BBS9: variants seen among roughly 807,000 people sequenced by gnomAD.
The protein encoded by BBS9 is protein PTHB1.
Under a neutral mutation model 117.7 loss-of-function variants are expected in BBS9, and 89 were observed. The observed-to-expected ratio is 0.76, with a 90% CI of 0.64 to 0.90. The LOEUF is 0.90. Ranked by LOEUF, BBS9 falls within the 40% of genes least tolerant of loss-of-function variation. The pLI is 0.00. For synonymous variants in BBS9, 379 were observed against 370.9 expected (o/e 1.02, Z -0.25); for missense variants, 982 against 1,042.2 (o/e 0.94, Z 0.80).
chr7:33,187,510 TCATCTCTCTTTGTC>T (rs1303132621), intron 5 of BBS9, among the ~76,000 whole-genome samples: 3 of 152,240 alleles, frequency 2.0e-5, no homozygotes, highest in Non-Finnish European at 4.4e-5. Context: ...CTCCCTTACA[TCATCTCTCTTTGTC>T]CCTCCGTCTG....
chr7:33,317,637 G>T (rs1461059609), intron 9 of BBS9, among the ~76,000 whole-genome samples: 1 of 152,040 alleles, frequency 6.6e-6, no homozygotes, highest in Non-Finnish European at 1.5e-5. Flanking sequence ...ATCTTGCCTG[G>T]GCTACCATCT....
At chr7:33,614,529 A>G (rs992377291) in intron 21 of BBS9, among the ~76,000 whole-genome samples, 2 of 152,080 alleles carry the variant, frequency 1.3e-5, no homozygotes, top group Non-Finnish European at 2.9e-5. Context: ...GTGAGGTCAG[A>G]GGGCAAACCA....
chr7:33,575,621 C>G (rs932360335), intron 21 of BBS9, among the ~76,000 whole-genome samples: 1 of 152,098 alleles, frequency 6.6e-6, no homozygotes, highest in South Asian at 2.1e-4. Context: ...AATTTTAGAC[C>G]AATATCCCTG....
chr7:33,296,613 C>T (rs903488926), intron 9 of BBS9, among the ~76,000 whole-genome samples: 7 of 152,154 alleles, frequency 4.6e-5, no homozygotes, highest in Admixed American at 6.6e-5. Context: ...AAAACACTTG[C>T]AGGGTTCATT....
At chr7:33,170,029 A>T (rs1796297849) in intron 4 of BBS9, among the ~76,000 whole-genome samples, 1 of 152,150 alleles carries the variant, frequency 6.6e-6, no homozygotes, top group African/African-American at 2.4e-5. Context: ...AGGTACAAGG[A>T]GGAACTGGTA....
intron 9 of BBS9, among the ~76,000 whole-genome samples, chr7:33,331,286 G>A (rs185143656): frequency 9.7e-4 from 147 of 152,200 alleles, no homozygotes; most frequent in African/African-American, 3.4e-3. Flanking sequence ...AATAAAAGCC[G>A]TATATGACAA....
At chr7:33,308,203 T>A (rs187122386) in intron 9 of BBS9, among the ~76,000 whole-genome samples, 17 of 152,168 alleles carry the variant, frequency 1.1e-4, no homozygotes, top group Admixed American at 1.1e-3. Context: ...GTAGGAAGCA[T>A]AGCAATAAAG....
In BBS9 at chr7:33,534,979, C is replaced by T. The variant is rs1585162913; in HGVS notation, c.2521+803C>T. Among the ~76,000 whole-genome samples the T allele has an allele frequency of 1.3e-5, 2 of 152,268 alleles. 1 individual carries two copies. Among genetic ancestry groups the T allele is most frequent in the Middle Eastern group, 6.8e-3 (2 of 294 alleles). ...TTTTCTCTTCTTCCTTCTTACATGC[C>T]TTTTCTTTACTTCCCCGCCCCCATT... is the stretch of plus-strand genomic sequence containing the variant. On this transcript the variant is annotated intron_variant, in intron 21 of 22. Coordinates refer to ENST00000242067, the MANE Select transcript of BBS9 (RefSeq NM_198428.3).
chr7:33,152,010 A>G (rs6943198), intron 2 of BBS9, among the ~76,000 whole-genome samples: 14,443 of 152,084 alleles, frequency 0.095, 739 homozygotes, highest in South Asian at 0.13. Context: ...GGGGCATGCC[A>G]CTGCACTCAG....
intron 4 of BBS9, among the ~76,000 whole-genome samples, chr7:33,164,731 T>C (rs1413403226): frequency 2.0e-5 from 3 of 152,334 alleles, no homozygotes; most frequent in Non-Finnish European, 4.4e-5. Flanking sequence ...TGTCTCTGCA[T>C]GTGAGATGGG....
At chr7:33,342,075 A>G (rs1669872585) in intron 11 of BBS9, among the ~76,000 whole-genome samples, 2 of 151,886 alleles carry the variant, frequency 1.3e-5, no homozygotes, top group South Asian at 4.1e-4. Flanking sequence ...TGTCTTCATT[A>G]TTTAGGTATC....
At chr7:33,604,724 T>C in intron 21 of BBS9, 141 bp from the exon 22 acceptor site, 1 of 711,794 alleles carries the variant, frequency 1.4e-6, no homozygotes, top group Non-Finnish European at 2.5e-6. Context: ...TTTAAGGTTA[T>C]TCTTTTCAGG....
intron 18 of BBS9, among the ~76,000 whole-genome samples, chr7:33,386,138 T>A (rs570894647): frequency 6.6e-6 from 1 of 151,726 alleles, no homozygotes; most frequent in African/African-American, 2.4e-5. Context: ...AATAAAAAAA[T>A]AAAAAAATAA....
At chr7:33,481,526 A>G (rs1467909126) in intron 19 of BBS9, among the ~76,000 whole-genome samples, 1 of 152,236 alleles carries the variant, frequency 6.6e-6, no homozygotes, top group Non-Finnish European at 1.5e-5. Flanking sequence ...CAGTGTACAA[A>G]TTTACATAAA....
chr7:33,359,306 C>T (rs1054818875), intron 16 of BBS9, among the ~76,000 whole-genome samples: 3 of 151,956 alleles, frequency 2.0e-5, no homozygotes, highest in Non-Finnish European at 4.4e-5. Flanking sequence ...TTGATCTTTA[C>T]TGTAGATAAA....
chr7:33,599,570 A>G (rs916294336), intron 21 of BBS9, among the ~76,000 whole-genome samples: 2 of 152,194 alleles, frequency 1.3e-5, no homozygotes, highest in African/African-American at 2.4e-5. Flanking sequence ...ATTGTCAGCA[A>G]TTCAGTCATA....
intron 6 of BBS9, among the ~76,000 whole-genome samples, chr7:33,260,655 TGTA>T (rs1378361263): frequency 3.3e-5 from 5 of 152,232 alleles, no homozygotes; most frequent in Admixed American, 6.5e-5. Context: ...GTACTGGAAA[TGTA>T]GTCAAATAGA....
intron 12 of BBS9, among the ~76,000 whole-genome samples, chr7:33,347,035 G>A (rs1046502195): frequency 6.6e-6 from 1 of 152,060 alleles, no homozygotes; most frequent in African/African-American, 2.4e-5. Flanking sequence ...TAAAGGCATG[G>A]GCTCAGGATT....
Position 33,411,680 on chromosome 7 carries a change from G to A in BBS9, c.2115+23536G>A, listed in dbSNP as rs2128823571. On this transcript the variant is annotated intron_variant, in intron 19 of 22. Transcript: ENST00000242067. ...TAAAAGTGTTATTCAGTCTACAAAT[G>A]TTCAATGTAATATGTAAGAATATTT... Among the ~76,000 whole-genome samples, 2 of 152,106 alleles carry A rather than the reference G, an allele frequency of 1.3e-5. 1 individual carries two copies. Among genetic ancestry groups the A allele is most frequent in the South Asian group, 4.2e-4 (2 of 4,806 alleles).
Sources: gnomAD v4.1 joint callset for allele counts (sites outside exome capture counted in the v4.1 genomes callset) on GRCh38, gnomAD v4.1.1 for gene constraint, MANE v1.5 for transcripts, NCBI Gene and HGNC (gene_info 2026-07-23, HGNC 2026-07-21) for gene names.